ITPR2: variants seen among roughly 807,000 people sequenced by gnomAD.
ITPR2 encodes inositol 1,4,5-trisphosphate-gated calcium channel ITPR2.
A neutral mutation model predicts 317.1 loss-of-function variants in ITPR2; 207 were observed. That is an observed-to-expected ratio of 0.65 (90% CI 0.58 to 0.73). The LOEUF is 0.73. ITPR2 is among the 30% of genes least tolerant of loss of function. The pLI, the probability that ITPR2 is intolerant of heterozygous loss-of-function variation, is 0.00. For missense variants in ITPR2, 2,613 were observed against 3,284.0 expected (o/e 0.80, Z 4.99); for synonymous variants, 1,156 against 1,149.1 (o/e 1.01, Z -0.12).
chr12:26,388,630 CTT>C (rs537635641), intron 54 of ITPR2, among the ~76,000 whole-genome samples: 1 of 147,196 alleles, frequency 6.8e-6, no homozygotes. Flanking sequence ...ATTTTTGTAT[CTT>C]TTTTTTTTTC....
chr12:26,346,509 G>C (rs1938314950), intron 55 of ITPR2, among the ~76,000 whole-genome samples: 2 of 152,048 alleles, frequency 1.3e-5, no homozygotes, highest in Admixed American at 6.5e-5. Flanking sequence ...TGTAATCCCA[G>C]CTACTCGAGA....
chr12:26,600,503 G>GT (rs1367797664), intron 28 of ITPR2, among the ~76,000 whole-genome samples: 1 of 151,152 alleles, frequency 6.6e-6, no homozygotes, highest in Non-Finnish European at 1.5e-5. Context: ...ATCTTTCTCT[G>GT]TTTCTCCTCC....
intron 32 of ITPR2, among the ~76,000 whole-genome samples, chr12:26,592,719 C>T (rs968013289): frequency 8.5e-5 from 13 of 152,332 alleles, no homozygotes; most frequent in African/African-American, 2.9e-4. Flanking sequence ...CTCCAGATTA[C>T]CTTCATCATT....
chr12:26,676,889 T>C (rs970680582), intron 13 of ITPR2, among the ~76,000 whole-genome samples: 3 of 152,126 alleles, frequency 2.0e-5, no homozygotes, highest in Admixed American at 2.0e-4. Context: ...TTTGTATTTA[T>C]CAAATTAAAA....
chr12:26,343,620 A>C, intron 55 of ITPR2, among the ~76,000 whole-genome samples: 1 of 152,248 alleles, frequency 6.6e-6, no homozygotes, highest in Non-Finnish European at 1.5e-5. Context: ...ATTGTGCACT[A>C]AACTCCTGAA....
intron 8 of ITPR2, 35 bp downstream of exon 8, chr12:26,715,264 A>T: frequency 3.2e-6 from 5 of 1,553,580 alleles, no homozygotes; most frequent in Admixed American, 1.8e-5. Flanking sequence ...TTTTTGATCT[A>T]AATATTTATT....
intron 45 of ITPR2, among the ~76,000 whole-genome samples, chr12:26,468,099 A>T (rs1942211865): frequency 6.6e-6 from 1 of 152,194 alleles, no homozygotes; most frequent in Admixed American, 6.5e-5. Context: ...CTAGTTGGAC[A>T]TAACAAATGT....
chr12:26,624,788 A>AC (rs1320704599), intron 23 of ITPR2, among the ~76,000 whole-genome samples: 4 of 151,950 alleles, frequency 2.6e-5, no homozygotes, highest in African/African-American at 7.2e-5. Flanking sequence ...AAAAAAAAAA[A>AC]AAACTAAAAA....
chr12:26,668,256 C>T (rs1045004642), intron 13 of ITPR2, among the ~76,000 whole-genome samples: 18 of 152,186 alleles, frequency 1.2e-4, no homozygotes, highest in African/African-American at 4.3e-4. Flanking sequence ...GGGAAATAAA[C>T]TAAACATATA....
At chr12:26,702,405 G>GC (rs1948460781) in intron 9 of ITPR2, among the ~76,000 whole-genome samples, 1 of 112,510 alleles carries the variant, frequency 8.9e-6, no homozygotes, top group South Asian at 3.5e-4. Flanking sequence ...TTGGGGGCGG[G>GC]GGTGGGGGGT....
chr12:26,723,735 C>T (rs1044936865), intron 4 of ITPR2, among the ~76,000 whole-genome samples: 2 of 152,122 alleles, frequency 1.3e-5, no homozygotes, highest in Non-Finnish European at 2.9e-5. Context: ...CTATGAAATG[C>T]CTCATTGTAG....
At position 26,509,958 on chromosome 12, in the gene ITPR2, T is replaced by TTGTGTGTGTGTGTGTGTGTGTGTG. The variant is rs56063133; in HGVS notation, c.5074-14722_5074-14699dup. 1.1e-4 allele frequency among the ~76,000 whole-genome samples: 6 copies of TTGTGTGTGTGTGTGTGTGTGTGTG among 53,194 alleles called. 1 individual carries two copies. The highest frequency in any genetic ancestry group is 1.2e-3 in the East Asian group (2 of 1,710). The allele number at this position is 53,194 out of a possible 152,430, so 34.9% of individuals were successfully genotyped here. A position where few individuals can be genotyped will look rare whatever the true frequency, so the allele number is the denominator to read the frequency against. On this transcript the variant is annotated intron_variant, in intron 37 of 56. Coordinates refer to ENST00000381340, the MANE Select transcript of ITPR2 (RefSeq NM_002223.4). Reference sequence around the variant, plus strand: ...TTTTGTTAACAAGTAGATAAGGGTTTTGTGTGTGTGTGTGTGTGTGTGTGT... The same window carrying TTGTGTGTGTGTGTGTGTGTGTGTG: ...TTTTGTTAACAAGTAGATAAGGGTTTTGTGTGTGTGTGTGTGTGTGTGTGTGTGTGTGTGTGTGTGTGTGTGTGT...
Position 26,475,363 on chromosome 12 carries a change from T to A in ITPR2, c.6275A>T (p.Asp2092Val), listed in dbSNP as rs756944257. The A allele has an allele frequency of 6.2e-7, 1 of 1,613,672 alleles. No homozygotes were observed. Among genetic ancestry groups the A allele is most frequent in the South Asian group, 1.1e-5 (1 of 91,052 alleles). The change falls in exon 45 of 57, where the codon GAT (aspartate) becomes GTT (valine). Residue 2092 changes from aspartate (D) to valine (V), a missense_variant. This residue lies in a region of ITPR2 where 926 missense variants were observed against 1,072.8 expected (regional missense o/e 0.86). Coordinates refer to ENST00000381340, the MANE Select transcript of ITPR2 (RefSeq NM_002223.4). Reference protein sequence around the residue: ...NQGLECDHGDDEGGDDGVSPK... With the variant: ...NQGLECDHGDVEGGDDGVSPK... ...AGAAACACCATCATCTCCACCCTCA[T>A]CATCCCCATGGTCACATTCCAATCC...
chr12:26,511,867 G>A (rs914602675), intron 37 of ITPR2, among the ~76,000 whole-genome samples: 5 of 151,968 alleles, frequency 3.3e-5, no homozygotes, highest in East Asian at 1.9e-4. Context: ...CACCATTTTC[G>A]CCCTCAGGCC....
At chr12:26,576,728 G>A (rs1356671841) in intron 34 of ITPR2, among the ~76,000 whole-genome samples, 1 of 152,318 alleles carries the variant, frequency 6.6e-6, no homozygotes, top group East Asian at 1.9e-4. Context: ...GGATAGAGAG[G>A]TAGAGGCCAA....
At position 26,337,352 on chromosome 12, in the gene ITPR2, A is replaced by C. The variant is rs1371757789; in HGVS notation, c.*2045T>G. ...GATGTCAGAAATATTTTGTACTAAA[A>C]CAGAGATAGGTTCCTATATTGGAAT... On this transcript the variant is annotated 3_prime_UTR_variant, in exon 57 of 57. Transcript: ENST00000381340. 6.6e-6 allele frequency: 1 copy of C among 152,202 alleles called. No individual in the cohort carries two copies. The highest frequency in any genetic ancestry group is 2.4e-5 in the African/African-American group (1 of 41,464). The allele number at this position is 152,202 out of a possible 1,614,324, so 9.4% of individuals were successfully genotyped here. A position where few individuals can be genotyped will look rare whatever the true frequency, so the allele number is the denominator to read the frequency against.
At position 26,436,363 on chromosome 12, in the gene ITPR2, G is replaced by GT; in HGVS notation, c.6644-18dup. Reference sequence around the variant, plus strand: ...CAGGGTTATCTAGGAAGTGAGAAATGTAAAGGAACTGAACAGGAAAATACA... The same window carrying GT: ...CAGGGTTATCTAGGAAGTGAGAAATGTTAAAGGAACTGAACAGGAAAATACA... On this transcript the variant is annotated splice_polypyrimidine_tract_variant and intron_variant, in intron 47 of 56. Transcript: ENST00000381340. The GT allele has an allele frequency of 6.3e-7, 1 of 1,598,016 alleles. No individual in the cohort carries two copies.
intron 45 of ITPR2, among the ~76,000 whole-genome samples, chr12:26,471,246 G>C (rs1378954539): frequency 6.6e-6 from 1 of 152,160 alleles, no homozygotes; most frequent in African/African-American, 2.4e-5. Flanking sequence ...TGCTTCAGGA[G>C]AGAATGAAAC....
intron 42 of ITPR2, among the ~76,000 whole-genome samples, chr12:26,482,661 G>A (rs983887250): frequency 6.6e-6 from 1 of 152,110 alleles, no homozygotes; most frequent in Non-Finnish European, 1.5e-5. Context: ...TATTTCATAT[G>A]TACAGTACAG....
Sources: gnomAD v4.1 joint callset for allele counts (sites outside exome capture counted in the v4.1 genomes callset) on GRCh38, gnomAD v4.1.1 for gene constraint, gnomAD v4.1.1 regional missense constraint, MANE v1.5 for transcripts, NCBI Gene and HGNC (gene_info 2026-07-23, HGNC 2026-07-21) for gene names.